PDZRN4: variants seen among roughly 807,000 people sequenced by gnomAD.
PDZRN4 encodes the protein PDZ domain-containing RING finger protein 4.
In PDZRN4, 70 loss-of-function variants were observed where a neutral mutation model predicts 99.0. The ratio of observed to expected loss-of-function variants is 0.71; its 90% CI spans 0.58 to 0.86. The LOEUF (loss-of-function observed/expected upper bound fraction) is 0.86. Among genes scored for constraint, PDZRN4 ranks in the 40% least tolerant of loss-of-function variants. PDZRN4 has a pLI of 0.00. For synonymous variants in PDZRN4, 551 were observed against 501.6 expected (o/e 1.10, Z -1.32); for missense variants, 1,474 against 1,331.2 (o/e 1.11, Z -1.67).
At chr12:41,424,284 C>G (rs530087621) in intron 3 of PDZRN4, among the ~76,000 whole-genome samples, 1 of 152,178 alleles carries the variant, frequency 6.6e-6, no homozygotes, top group East Asian at 1.9e-4. Context: ...ATCTTTAGCT[C>G]TATATGACAC....
intron 5 of PDZRN4, among the ~76,000 whole-genome samples, chr12:41,546,933 A>T (rs1376788028): frequency 6.6e-6 from 1 of 152,186 alleles, no homozygotes; most frequent in Non-Finnish European, 1.5e-5. Context: ...TTTGATGGAG[A>T]TCTCCCAAAA....
chr12:41,458,159 T>G (rs564552481), intron 3 of PDZRN4, among the ~76,000 whole-genome samples: 429 of 152,234 alleles, frequency 2.8e-3, no homozygotes, highest in African/African-American at 9.3e-3. Flanking sequence ...GTGACTTTTT[T>G]TGTGTGTGTG....
chr12:41,461,529 C>A (rs528821275), intron 3 of PDZRN4, among the ~76,000 whole-genome samples: 2 of 152,138 alleles, frequency 1.3e-5, no homozygotes, highest in Non-Finnish European at 2.9e-5. Context: ...ACAGACAAGG[C>A]TCCCAACAAC....
At chr12:41,275,801 G>T (rs1474230230) in intron 3 of PDZRN4, among the ~76,000 whole-genome samples, 2 of 152,152 alleles carry the variant, frequency 1.3e-5, no homozygotes, top group East Asian at 3.8e-4. Flanking sequence ...AGGTTTCAGT[G>T]ATGAGTATAA....
chr12:41,562,025 C>T (rs889880040), intron 7 of PDZRN4, among the ~76,000 whole-genome samples: 27 of 152,178 alleles, frequency 1.8e-4, no homozygotes, highest in East Asian at 9.7e-4. Context: ...ATATCCTTCC[C>T]GGTCATTATT....
At chr12:41,341,753 C>G (rs1342699918) in intron 3 of PDZRN4, among the ~76,000 whole-genome samples, 1 of 151,760 alleles carries the variant, frequency 6.6e-6, no homozygotes, top group East Asian at 1.9e-4. Flanking sequence ...AGAATTAACA[C>G]TGTTAAAACA....
intron 3 of PDZRN4, among the ~76,000 whole-genome samples, chr12:41,212,799 C>G (rs906246568): frequency 6.6e-6 from 1 of 151,940 alleles, no homozygotes; most frequent in African/African-American, 2.4e-5. Flanking sequence ...ACATTTATAG[C>G]ATAACTAGAA....
At chr12:41,493,543 T>C (rs542986920) in intron 3 of PDZRN4, among the ~76,000 whole-genome samples, 3 of 152,284 alleles carry the variant, frequency 2.0e-5, no homozygotes, top group East Asian at 3.9e-4. Context: ...CATAGTGTCA[T>C]GTAAAACATG....
At chr12:41,248,945 A>G (rs1951151101) in intron 3 of PDZRN4, among the ~76,000 whole-genome samples, 1 of 152,198 alleles carries the variant, frequency 6.6e-6, no homozygotes, top group Non-Finnish European at 1.5e-5. Flanking sequence ...GAAAGCATTT[A>G]GATTTCATGG....
intron 3 of PDZRN4, among the ~76,000 whole-genome samples, chr12:41,463,960 T>A (rs1351761924): frequency 6.6e-6 from 1 of 152,154 alleles, no homozygotes; most frequent in Non-Finnish European, 1.5e-5. Flanking sequence ...GGAGCCAGCT[T>A]ACCCCCACAG....
chr12:41,300,629 A>G (rs1476508452), intron 3 of PDZRN4, among the ~76,000 whole-genome samples: 1 of 151,836 alleles, frequency 6.6e-6, no homozygotes, highest in Non-Finnish European at 1.5e-5. Flanking sequence ...CGGCCTCAGG[A>G]TATGTGTACA....
intron 5 of PDZRN4, among the ~76,000 whole-genome samples, chr12:41,519,034 A>G (rs1565604538): frequency 6.6e-6 from 1 of 152,148 alleles, no homozygotes. Context: ...TGGGCTTAAC[A>G]TTATAGTTAG....
At chr12:41,483,318 A>G (rs891769919) in intron 3 of PDZRN4, among the ~76,000 whole-genome samples, 4 of 152,176 alleles carry the variant, frequency 2.6e-5, no homozygotes, top group African/African-American at 9.7e-5. Context: ...AAGCTTACTA[A>G]AAGAGAAGGA....
At chr12:41,376,801 C>T (rs1185353296) in intron 3 of PDZRN4, among the ~76,000 whole-genome samples, 1 of 152,072 alleles carries the variant, frequency 6.6e-6, no homozygotes, top group Non-Finnish European at 1.5e-5. Flanking sequence ...AAGTCATTGC[C>T]AAGACCAGTG....
At chr12:41,482,198 G>A (rs534352343) in intron 3 of PDZRN4, among the ~76,000 whole-genome samples, 12 of 152,148 alleles carry the variant, frequency 7.9e-5, no homozygotes, top group Non-Finnish European at 1.0e-4. Context: ...ACATCTTCAC[G>A]CAGCAAAACC....
At chr12:41,361,370 C>A (rs963378665) in intron 3 of PDZRN4, among the ~76,000 whole-genome samples, 10 of 152,012 alleles carry the variant, frequency 6.6e-5, no homozygotes, top group African/African-American at 2.4e-4. Context: ...TGCCTAAACT[C>A]CACTTTTAAT....
At chr12:41,377,303 T>C (rs1267464095) in intron 3 of PDZRN4, among the ~76,000 whole-genome samples, 1 of 152,194 alleles carries the variant, frequency 6.6e-6, no homozygotes, top group African/African-American at 2.4e-5. Context: ...AATCTATAGA[T>C]AGCTTTGGTT....
At chr12:41,434,823 C>T (rs866118897) in intron 3 of PDZRN4, among the ~76,000 whole-genome samples, 13 of 152,082 alleles carry the variant, frequency 8.5e-5, no homozygotes, top group South Asian at 2.1e-4. Context: ...TTTTTTATCC[C>T]GTATTATTAT....
intron 3 of PDZRN4, among the ~76,000 whole-genome samples, chr12:41,500,319 T>C (rs1316001135): frequency 6.6e-6 from 1 of 151,918 alleles, no homozygotes; most frequent in Non-Finnish European, 1.5e-5. Flanking sequence ...CCCAGGGAAA[T>C]GAAGCTCCCA....
Sources: allele counts gnomAD v4.1 joint callset (sites outside exome capture counted in the v4.1 genomes callset), GRCh38; gene constraint gnomAD v4.1.1; transcripts MANE v1.5; gene names NCBI Gene and HGNC (gene_info 2026-07-23, HGNC 2026-07-21).